Variants in CUX1 observed in about 807,000 individuals in gnomAD.
The protein encoded by CUX1 is protein CASP.
Under a neutral mutation model 158.8 loss-of-function variants are expected in CUX1, and 31 were observed. That is an observed-to-expected ratio of 0.20 (90% confidence interval 0.15 to 0.26). The LOEUF is 0.26. Ranked by LOEUF, CUX1 falls within the 10% of genes least tolerant of loss-of-function variation. CUX1 has a pLI of 1.00. For missense variants in CUX1, 1,589 were observed against 2,014.6 expected, an observed-to-expected ratio of 0.79 and a Z score of 4.04; for synonymous variants, 879 against 862.1, an observed-to-expected ratio of 1.02 and a Z score of -0.34.
Position 102,239,363 on chromosome 7 carries a change from C to A in CUX1, c.3666C>A (p.Pro1222=). Residue 1222 remains proline, a synonymous_variant, in exon 23 of 24, where the codon CCC becomes CCA. Coordinates refer to ENST00000292535, the MANE Select transcript of CUX1 (RefSeq NM_181552.4). ...RRHSSVSDSQ[P]CEPPSVGTEY... The stretch of plus-strand genomic sequence containing the variant: ...ACAGCTCAGTCAGTGACAGCCAGCC[C>A]TGCGAACCGCCCTCTGTCGGCACCG... 1 of 1,612,386 alleles carries A rather than the reference C, an allele frequency of 6.2e-7. No homozygotes were observed. The highest frequency in any genetic ancestry group is 8.5e-7 in the Non-Finnish European group (1 of 1,179,456).
intron 20 of CUX1, among the ~76,000 whole-genome samples, chr7:102,220,405 C>T (rs1480027021): frequency 6.6e-6 from 1 of 152,236 alleles, no homozygotes; most frequent in African/African-American, 2.4e-5. Context: ...TGCTGTTCCC[C>T]TTTGATGCTG....
At chr7:101,817,606 G>GGCGCCGGGACA (rs1365639355), upstream of CUX1, 4 of 1,536,292 alleles carry the variant, frequency 2.6e-6, no homozygotes, top group African/African-American at 5.5e-5. The surrounding 1 kb of genome is among the most constrained non-coding windows in gnomAD (Gnocchi z 4.1). Context: ...CGGCGCCCGC[G>GGCGCCGGGACA]GCGCCGGGAC....
intron 20 of CUX1, among the ~76,000 whole-genome samples, chr7:102,224,292 C>T (rs1207973479): frequency 2.0e-5 from 3 of 152,108 alleles, no homozygotes; most frequent in African/African-American, 7.2e-5. Flanking sequence ...CTGCAACCTC[C>T]GCCTCCCCCA....
intron 3 of CUX1, among the ~76,000 whole-genome samples, chr7:102,064,145 C>G (rs149526572): frequency 6.6e-6 from 1 of 152,198 alleles, no homozygotes; most frequent in South Asian, 2.1e-4. Flanking sequence ...AGGTTTTACC[C>G]AAGGCTGCAG....
chr7:102,281,967 C>A (rs781866009), intron 21 of CUX1: 1 of 1,329,788 alleles, frequency 7.5e-7, no homozygotes, highest in South Asian at 1.2e-5. Context: ...CCATCCCCAG[C>A]CCTGACCTCC....
chr7:102,278,657 A>AATAAAATAAAAAAATAAAATAT (rs781848717), intron 18 of CUX1, among the ~76,000 whole-genome samples: 22,384 of 97,704 alleles, frequency 0.23, 2,336 homozygotes, highest in East Asian at 0.54. Flanking sequence ...AATAAAATAA[A>AATAAAATAAAAAAATAAAATAT]AAAATAAAAT....
At chr7:101,928,796 A>G (rs1465700091) in intron 2 of CUX1, among the ~76,000 whole-genome samples, 2 of 149,582 alleles carry the variant, frequency 1.3e-5, no homozygotes, top group East Asian at 2.0e-4. Context: ...TCAGCCTCCC[A>G]AGTAGCTGGG....
At chr7:101,887,241 G>A (rs919195781) in intron 1 of CUX1, among the ~76,000 whole-genome samples, 27 of 151,936 alleles carry the variant, frequency 1.8e-4, no homozygotes, top group African/African-American at 6.3e-4. Flanking sequence ...TTCCGATGGG[G>A]GCAAAACTCA....
chr7:102,260,735 T>C (rs1231113002), downstream of CUX1, among the ~76,000 whole-genome samples: 3 of 152,250 alleles, frequency 2.0e-5, no homozygotes, highest in Admixed American at 1.3e-4. Flanking sequence ...CGTTCCTTAT[T>C]TGATGCTCTG....
At chr7:102,110,800 G>A (rs1830807288) in intron 6 of CUX1, among the ~76,000 whole-genome samples, 1 of 152,020 alleles carries the variant, frequency 6.6e-6, no homozygotes, top group African/African-American at 2.4e-5. Context: ...ATATGATGTC[G>A]TATTTCTGTA....
chr7:101,882,127 G>A (rs1297889259), intron 1 of CUX1, among the ~76,000 whole-genome samples: 2 of 152,148 alleles, frequency 1.3e-5, no homozygotes, highest in Admixed American at 1.3e-4. Context: ...GGAGCTTGCA[G>A]TGAGCCATGA....
At chr7:102,085,396 CAT>C (rs782503621) in intron 4 of CUX1, among the ~76,000 whole-genome samples, 10 of 152,198 alleles carry the variant, frequency 6.6e-5, no homozygotes, top group Non-Finnish European at 1.0e-4. Context: ...ATAAAACCCA[CAT>C]GTCGTGGGAG....
At chr7:102,015,430 G>A (rs2129305747) in intron 2 of CUX1, among the ~76,000 whole-genome samples, 1 of 152,234 alleles carries the variant, frequency 6.6e-6, no homozygotes, top group Non-Finnish European at 1.5e-5. Flanking sequence ...GTTTCACTGT[G>A]TTGGCCAGGC....
chr7:102,163,938 A>G (rs577637867), intron 9 of CUX1, among the ~76,000 whole-genome samples: 37 of 152,266 alleles, frequency 2.4e-4, no homozygotes, highest in African/African-American at 8.2e-4. Context: ...TGTTATGGAG[A>G]AGTAGCAGAG....
chr7:102,182,987 G>A (rs964367181), intron 11 of CUX1, among the ~76,000 whole-genome samples: 4 of 152,170 alleles, frequency 2.6e-5, no homozygotes, highest in African/African-American at 9.7e-5. Context: ...TCACCTAGGG[G>A]TCTTTTCCAA....
Position 102,200,104 on chromosome 7 carries a change from C to T in CUX1, c.1994C>T (p.Thr665Ile), listed in dbSNP as rs1490302162. ...NITTRIRASE[T>I]GSDEAIKSIL... Reference sequence around the variant, plus strand: ...ACCACCCGGATCCGAGCCTCGGAGACTGGCTCTGATGAAGCCATCAAGTCC... The same window carrying T: ...ACCACCCGGATCCGAGCCTCGGAGATTGGCTCTGATGAAGCCATCAAGTCC... Residue 665 changes from threonine to isoleucine, a missense_variant, in exon 17 of 24, where the codon ACT becomes ATT. By Grantham distance (89) the Thr-to-Ile change is moderately conservative (BLOSUM62 -1). Coordinates refer to ENST00000292535, the MANE Select transcript of CUX1 (RefSeq NM_181552.4). 6.2e-7 allele frequency: 1 copy of T among 1,613,432 alleles called. No individual in the cohort carries two copies. Among genetic ancestry groups the T allele is most frequent in the African/African-American group, 1.3e-5 (1 of 74,886 alleles).
chr7:102,199,486 A>G (rs1795166584), intron 16 of CUX1, among the ~76,000 whole-genome samples: 1 of 152,260 alleles, frequency 6.6e-6, no homozygotes, highest in South Asian at 2.1e-4. Context: ...TGTGGCCGAA[A>G]GAATCCATCC....
At chr7:102,191,190 A>T (rs1156451047) in intron 12 of CUX1, among the ~76,000 whole-genome samples, 1 of 151,968 alleles carries the variant, frequency 6.6e-6, no homozygotes, top group Admixed American at 6.6e-5. Flanking sequence ...AGACCCCTAC[A>T]TCCCTCTAAC....
intron 2 of CUX1, among the ~76,000 whole-genome samples, chr7:101,958,413 A>C (rs1810024576): frequency 6.6e-6 from 1 of 150,802 alleles, no homozygotes; most frequent in African/African-American, 2.4e-5. Context: ...TATTTAGGAG[A>C]TGGAACTTGG....
Sources: gnomAD v4.1 joint callset for allele counts (sites outside exome capture counted in the v4.1 genomes callset) on GRCh38, gnomAD v4.1.1 for gene constraint, Gnocchi (gnomAD v3.1) non-coding constraint, MANE v1.5 for transcripts, NCBI Gene and HGNC (gene_info 2026-07-23, HGNC 2026-07-21) for gene names.